The following EXT1 variants were observed in gnomAD, a reference collection of about 807,000 sequenced individuals.
EXT1 encodes the protein exostosin glycosyltransferase 1, also known as exostosin-1.
In EXT1, 20 loss-of-function variants were observed where a neutral mutation model predicts 82.5. The ratio of observed to expected loss-of-function variants is 0.24; its 90% CI spans 0.17 to 0.35. The LOEUF (loss-of-function observed/expected upper bound fraction) is 0.35, where lower values mean the gene tolerates loss of function less well. Among genes scored for constraint, EXT1 ranks in the 10% least tolerant of loss-of-function variants. The pLI is 1.00. For missense variants in EXT1, 757 were observed against 936.5 expected (o/e 0.81, Z 2.50); for synonymous variants, 348 against 350.8 (o/e 0.99, Z 0.09).
chr8:118,091,660 A>T (rs1817526871), intron 1 of EXT1, among the ~76,000 whole-genome samples: 1 of 152,146 alleles, frequency 6.6e-6, no homozygotes. Context: ...CAGGAGAATG[A>T]TGTGAACCTG....
At chr8:117,931,692 G>A (rs539272973) in intron 1 of EXT1, among the ~76,000 whole-genome samples, 4 of 152,288 alleles carry the variant, frequency 2.6e-5, no homozygotes, top group South Asian at 2.1e-4. Flanking sequence ...GTCTGTTGCC[G>A]GACATGCTGG....
chr8:118,064,289 C>A (rs1816937335), intron 1 of EXT1, among the ~76,000 whole-genome samples: 2 of 152,108 alleles, frequency 1.3e-5, no homozygotes, highest in Non-Finnish European at 2.9e-5. Context: ...ATCAACCCAT[C>A]ATCTACATTA....
At chr8:117,906,151 C>T (rs1813540451) in intron 1 of EXT1, among the ~76,000 whole-genome samples, 1 of 152,182 alleles carries the variant, frequency 6.6e-6, no homozygotes, top group African/African-American at 2.4e-5. Flanking sequence ...TTTGACCATT[C>T]CTCACCATTC....
chr8:118,016,781 G>A (rs561618124), intron 1 of EXT1, among the ~76,000 whole-genome samples: 79 of 152,284 alleles, frequency 5.2e-4, no homozygotes, highest in African/African-American at 1.9e-3. Flanking sequence ...GAATGGAAAC[G>A]TGTTCCCAAA....
rs184230499 is a variant in EXT1, at chr8:117,933,752, G to A, written c.963-96551C>T. ...AAATGAAGGAAGAAACAGGAGGCAC[G>A]GGGCACAGAAAGATGATACAACTGC... On this transcript the variant is annotated intron_variant, in intron 1 of 10. Coordinates refer to ENST00000378204, the MANE Select transcript of EXT1 (RefSeq NM_000127.3). 2.6e-4 allele frequency among the ~76,000 whole-genome samples: 40 copies of A among 152,254 alleles called. No homozygotes were observed. In the Middle Eastern group the frequency reaches 0.01, roughly 39 times the overall value.
intron 1 of EXT1, among the ~76,000 whole-genome samples, chr8:117,998,938 A>C (rs1815603504): frequency 2.0e-5 from 3 of 152,224 alleles, no homozygotes; most frequent in Admixed American, 2.0e-4. Context: ...CTAACACGCC[A>C]GAGTTCTGAG....
At chr8:118,036,600 A>G (rs1816423166) in intron 1 of EXT1, among the ~76,000 whole-genome samples, 1 of 152,156 alleles carries the variant, frequency 6.6e-6, no homozygotes, top group Non-Finnish European at 1.5e-5. Flanking sequence ...TTTGGGGGTC[A>G]TTTATTCTAG....
chr8:117,937,514 T>C (rs1814189619), intron 1 of EXT1, among the ~76,000 whole-genome samples: 1 of 152,210 alleles, frequency 6.6e-6, no homozygotes, highest in South Asian at 2.1e-4. Flanking sequence ...GCCCCCTCCC[T>C]GTTGCTTAAC....
intron 1 of EXT1, among the ~76,000 whole-genome samples, chr8:117,900,297 G>A (rs1250957408): frequency 6.6e-6 from 1 of 152,158 alleles, no homozygotes; most frequent in Non-Finnish European, 1.5e-5. Flanking sequence ...CCAAAGGCAT[G>A]GGATTTTATA....
chr8:118,028,566 ATATATAT>A (rs1354215936), intron 1 of EXT1, among the ~76,000 whole-genome samples: 1 of 151,940 alleles, frequency 6.6e-6, no homozygotes, highest in African/African-American at 2.4e-5. Context: ...TATGACTAAC[ATATATAT>A]TATATTTATA....
intron 1 of EXT1, among the ~76,000 whole-genome samples, chr8:118,106,490 AT>A (rs1817805035): frequency 6.6e-6 from 1 of 152,256 alleles, no homozygotes; most frequent in Admixed American, 6.5e-5. Context: ...ACCCTTGAAG[AT>A]ACCAGGATGG....
Position 117,966,400 on chromosome 8 carries a change from CTCATT to C in EXT1, c.963-129204_963-129200del, listed in dbSNP as rs533708535. Among the ~76,000 whole-genome samples, 294 of 152,334 alleles carry C rather than the reference CTCATT, an allele frequency of 1.9e-3. 1 individual carries two copies. The highest frequency in any genetic ancestry group is 6.9e-3 in the African/African-American group (285 of 41,576). ...TCCTAAAGTGCTTTACATACAATGTCTCATTTCATCTTTTCAACAAGGTCTGTTAT... is the reference window on the plus strand; with the variant it reads ...TCCTAAAGTGCTTTACATACAATGTCTCATCTTTTCAACAAGGTCTGTTAT... On this transcript the variant is annotated intron_variant, in intron 1 of 10. Coordinates refer to ENST00000378204, the MANE Select transcript of EXT1 (RefSeq NM_000127.3).
chr8:117,862,568 G>A (rs1384976264), intron 1 of EXT1, among the ~76,000 whole-genome samples: 1 of 145,378 alleles, frequency 6.9e-6, no homozygotes. Context: ...CTGGGGACCA[G>A]TGTTTACTGA....
At chr8:117,844,227 A>G (rs1812318283) in intron 1 of EXT1, among the ~76,000 whole-genome samples, 1 of 151,734 alleles carries the variant, frequency 6.6e-6, no homozygotes, top group Admixed American at 6.6e-5. Context: ...ATCACAGTTC[A>G]CTGCAGCCCC....
chr8:118,014,002 T>G (rs1815955814), intron 1 of EXT1, among the ~76,000 whole-genome samples: 1 of 152,210 alleles, frequency 6.6e-6, no homozygotes. Flanking sequence ...GCTAGTTATC[T>G]GAACTGCCTG....
At chr8:118,035,491 A>C (rs1315397354) in intron 1 of EXT1, among the ~76,000 whole-genome samples, 1 of 152,158 alleles carries the variant, frequency 6.6e-6, no homozygotes, top group Non-Finnish European at 1.5e-5. Flanking sequence ...TCTAATGTAT[A>C]ATAATTAAAG....
At chr8:117,823,324 A>C (rs553965644) in intron 4 of EXT1, among the ~76,000 whole-genome samples, 1 of 152,128 alleles carries the variant, frequency 6.6e-6, no homozygotes, top group Admixed American at 6.5e-5. Context: ...TAAATTCTAC[A>C]TTTAGAGTCA....
Position 117,818,525 on chromosome 8 carries a change from T to C in EXT1, c.1542A>G (p.Ile514Met), listed in dbSNP as rs1475399570. ...AAKSQYCAQI[I>M]VLWNCDKPLP... is the part of the protein sequence containing the mutation. The stretch of plus-strand genomic sequence containing the variant: ...GGGGCTTGTCACAATTCCATAGAAC[T>C]ATGATCTGAAAGGGATGGGGCTCAT... Residue 514 changes from isoleucine (I) to methionine (M), a missense_variant, in exon 7 of 11, where the codon ATA (isoleucine) becomes ATG (methionine). Transcript: ENST00000378204. The C allele has an allele frequency of 1.2e-6, 2 of 1,613,740 alleles. No homozygotes were observed. Among genetic ancestry groups the C allele is most frequent in the Admixed American group, 1.7e-5 (1 of 59,988 alleles).
chr8:118,061,024 G>A (rs1327496024), intron 1 of EXT1, among the ~76,000 whole-genome samples: 2 of 152,210 alleles, frequency 1.3e-5, no homozygotes, highest in African/African-American at 2.4e-5. Context: ...AGACTGAAAT[G>A]AGGAAGCATC....
Sources: allele counts gnomAD v4.1 joint callset (sites outside exome capture counted in the v4.1 genomes callset), GRCh38; gene constraint gnomAD v4.1.1; transcripts MANE v1.5; gene names NCBI Gene and HGNC (gene_info 2026-07-23, HGNC 2026-07-21).